Variants in TPRA1 observed in about 807,000 individuals in gnomAD.
The protein encoded by TPRA1 is transmembrane protein adipocyte associated 1, also known as transmembrane protein adipocyte-associated 1.
Under a neutral mutation model 40.1 loss-of-function variants are expected in TPRA1, and 28 were observed. The observed-to-expected ratio is 0.70, with a 90% confidence interval of 0.52 to 0.96. The LOEUF is 0.96. TPRA1 is among the 40% of genes least tolerant of loss of function. The probability of loss-of-function intolerance (pLI) is 0.00; values close to 1 mark genes in which losing one functional copy is unlikely to be tolerated. For synonymous variants in TPRA1, 219 were observed against 209.7 expected (o/e 1.04, Z -0.38); for missense variants, 441 against 482.6 (o/e 0.91, Z 0.81).
At chr3:127,584,463 A>AAAAAG (rs1399028753) in intron 1 of TPRA1, among the ~76,000 whole-genome samples, 17 of 147,814 alleles carry the variant, frequency 1.2e-4, no homozygotes, top group Non-Finnish European at 2.1e-4. Context: ...AAAAAAAAAA[A>AAAAAG]AAAAAAAAAA....
At chr3:127,592,009 G>A (rs549958745), upstream of TPRA1, 1 of 152,324 alleles carries the variant, frequency 6.6e-6, no homozygotes, top group African/African-American at 2.4e-5. Context: ...GACTTTCCCA[G>A]CCTGGACCAC....
intron 1 of TPRA1, among the ~76,000 whole-genome samples, chr3:127,587,458 T>TG (rs2074034367): frequency 6.6e-6 from 1 of 152,002 alleles, no homozygotes; most frequent in Non-Finnish European, 1.5e-5. Flanking sequence ...AATTCACCAG[T>TG]GAAAAACCTC....
chr3:127,589,376 A>T (rs1055010828), intron 1 of TPRA1, among the ~76,000 whole-genome samples: 7 of 150,764 alleles, frequency 4.6e-5, no homozygotes, highest in Admixed American at 3.3e-4. Context: ...AGTGCTTCCC[A>T]CACCGACGGG....
upstream of TPRA1, chr3:127,590,954 C>G (rs969024206): frequency 6.6e-6 from 1 of 152,302 alleles, no homozygotes; most frequent in African/African-American, 2.4e-5. Context: ...GCCTGCGTTT[C>G]TCACTCGGAA....
chr3:127,591,649 C>T (rs560462560), upstream of TPRA1, among the ~76,000 whole-genome samples: 2 of 152,304 alleles, frequency 1.3e-5, no homozygotes, highest in South Asian at 4.1e-4. Flanking sequence ...GTTTTGTGGA[C>T]ACCCTCGCTG....
chr3:127,577,637 G>C (rs571195533), intron 3 of TPRA1, among the ~76,000 whole-genome samples: 3 of 152,018 alleles, frequency 2.0e-5, no homozygotes, highest in Admixed American at 6.5e-5. Context: ...GAGACCTCTA[G>C]GGAAGCCACC....
intron 1 of TPRA1, among the ~76,000 whole-genome samples, chr3:127,583,051 CAGG>C (rs2073881472): frequency 6.6e-6 from 1 of 151,446 alleles, no homozygotes; most frequent in Admixed American, 6.6e-5. Context: ...GAGGCTGAGG[CAGG>C]AGAATCCCTT....
intron 1 of TPRA1, chr3:127,587,282 C>T (rs374750120): frequency 8.5e-5 from 13 of 152,264 alleles, no homozygotes; most frequent in African/African-American, 2.4e-4. Context: ...AAAGCCGACG[C>T]GGAGGAGTGG....
At position 127,579,923 on chromosome 3, in the gene TPRA1, C is replaced by T. The variant is rs766994358; in HGVS notation, c.126-51G>A. The T allele has an allele frequency of 8.1e-6, 13 of 1,609,778 alleles. No individual in the cohort carries two copies. In the East Asian group the frequency reaches 2.9e-4, roughly 36 times the overall value. On this transcript the variant is annotated intron_variant, in intron 2 of 10. Transcript: ENST00000355552. ...TCACTGGCGAGGCCACATATGCACC[C>T]CCTCTCCAAGACACAATCTGCCCCA...
rs1472831656 is a variant in TPRA1 at position 127,573,243 on chromosome 3, C to T, written c.*278G>A. 15 of 385,322 alleles carry T rather than the reference C, an allele frequency of 3.9e-5. No homozygotes were observed. The East Asian group carries it at 5.7e-4, about 15-fold the overall frequency. 23.9% of individuals were successfully genotyped at this position (385,322 alleles called of 1,614,324 possible). A position where few individuals can be genotyped will look rare whatever the true frequency, so the allele number is the denominator to read the frequency against. On this transcript the variant is annotated 3_prime_UTR_variant, in exon 11 of 11. Transcript: ENST00000355552. ...GTGCAGAGAAGGAGGGTGCCCTCAG[C>T]CAACCTTGCCAAGCATGGCCCTGGA...
intron 1 of TPRA1, among the ~76,000 whole-genome samples, chr3:127,583,957 C>T (rs2073915896): frequency 6.6e-6 from 1 of 151,850 alleles, no homozygotes; most frequent in African/African-American, 2.4e-5. Context: ...GTGTGAGCCA[C>T]CATGCCCAGC....
In TPRA1 at chr3:127,576,656, G is replaced by A. The variant is rs944571759; in HGVS notation, c.459C>T (p.Ala153=). The A allele has an allele frequency of 6.2e-7, 1 of 1,610,824 alleles. No individual in the cohort carries two copies. Among genetic ancestry groups the A allele is most frequent in the Admixed American group, 1.7e-5 (1 of 59,720 alleles). ...ESKSSIKRVL[A]ITTVLSLAYS... is the part of the protein sequence containing the mutation. ...AGGCCAGGGACAGCACTGTGGTGAT[G>A]GCCAGCACCCGCTTGATGCTGGACT... The change falls in exon 6 of 11, where the codon GCC becomes GCT. Residue 153 remains alanine, a synonymous_variant. Coordinates refer to ENST00000355552, the MANE Select transcript of TPRA1 (RefSeq NM_001136053.4). The surrounding 1 kb of genome is among the most constrained non-coding windows in gnomAD (Gnocchi z 4.6).
chr3:127,573,764 G>A lies in TPRA1; in HGVS notation c.879C>T (p.Ser293=), dbSNP rs2073466385. 2 of 1,583,174 alleles carry A rather than the reference G, an allele frequency of 1.3e-6. No homozygotes were observed. The highest frequency in any genetic ancestry group is 1.3e-5 in the African/African-American group (1 of 74,110). The change falls in exon 11 of 11, where the codon TCC becomes TCT. Residue 293 remains serine, a synonymous_variant. Transcript: ENST00000355552. ...CTGTCTCGTCCACTTGGCATTTGTA[G>A]GAGAAGAGGATCTTGGGCTCCGAGC... ...FFGSEPKILF[S]YKCQVDETEE...
Position 127,576,937 on chromosome 3 carries a change from C to T in TPRA1, c.346-44G>A, listed in dbSNP as rs780711625. ...CAGCGTCAGCCTGGACCAGCATCCC[C>T]AGCCCACCCCAGGCCAGGCCTCCCT... On this transcript the variant is annotated intron_variant, in intron 4 of 10. Transcript: ENST00000355552. This position sits in a 1 kb window ranked among gnomAD's most constrained non-coding sequence, Gnocchi z 4.6. 7.4e-6 allele frequency: 12 copies of T among 1,613,392 alleles called. No homozygotes were observed. The Admixed American group carries it at 2.0e-4, about 27-fold the overall frequency.
intron 1 of TPRA1, among the ~76,000 whole-genome samples, chr3:127,581,597 T>A (rs557964987): frequency 6.6e-6 from 1 of 152,164 alleles, no homozygotes; most frequent in South Asian, 2.1e-4. Flanking sequence ...GTCATAGGTG[T>A]ACTTCAGTAA....
chr3:127,572,235 A>T lies in TPRA1; in HGVS notation c.*1286T>A, dbSNP rs1328997156. On this transcript the variant is annotated 3_prime_UTR_variant, in exon 11 of 11. Coordinates refer to ENST00000355552, the MANE Select transcript of TPRA1 (RefSeq NM_001136053.4). ...CTCGGCACCCCATTCCCCCCTAAAA[A>T]AAAAAGGCTGATCGCGGAGGCGGGC... Among the ~76,000 whole-genome samples the T allele has an allele frequency of 6.6e-6, 1 of 152,170 alleles. No homozygotes were observed. The highest frequency in any genetic ancestry group is 1.5e-5 in the Non-Finnish European group (1 of 68,020).
intron 1 of TPRA1, among the ~76,000 whole-genome samples, chr3:127,581,524 G>C (rs1489692078): frequency 6.6e-6 from 1 of 152,284 alleles, no homozygotes; most frequent in South Asian, 2.1e-4. Flanking sequence ...AGATCCAGGT[G>C]GTGGGTACAC....
chr3:127,582,154 A>AGGTTGGTTCTGTTT, intron 1 of TPRA1, among the ~76,000 whole-genome samples: 1 of 152,280 alleles, frequency 6.6e-6, no homozygotes. Flanking sequence ...CAAGCCCTTA[A>AGGTTGGTTCTGTTT]ACACCAGAAC....
chr3:127,589,832 T>C (rs2074114482), intron 1 of TPRA1, among the ~76,000 whole-genome samples: 2 of 152,342 alleles, frequency 1.3e-5, no homozygotes, highest in Non-Finnish European at 2.9e-5. Flanking sequence ...CAGGTTGTTA[T>C]GACGGGAACA....
Sources: gnomAD v4.1 joint callset for allele counts (sites outside exome capture counted in the v4.1 genomes callset) on GRCh38, gnomAD v4.1.1 for gene constraint, Gnocchi (gnomAD v3.1) non-coding constraint, MANE v1.5 for transcripts, NCBI Gene and HGNC (gene_info 2026-07-23, HGNC 2026-07-21) for gene names.